SMCO2: variants seen among roughly 807,000 people sequenced by gnomAD.
The protein encoded by SMCO2 is single-pass membrane protein with coiled-coil domains 2, also known as single-pass membrane and coiled-coil domain-containing protein 2.
A neutral mutation model predicts 29.5 loss-of-function variants in SMCO2; 25 were observed. That is an observed-to-expected ratio of 0.85 (90% confidence interval 0.62 to 1.18). SMCO2 has a LOEUF of 1.18. SMCO2 is among the 50% of genes most tolerant of loss of function. The pLI, the probability that SMCO2 is intolerant of heterozygous loss-of-function variation, is 0.00. For synonymous variants in SMCO2, 117 were observed against 123.3 expected, an observed-to-expected ratio of 0.95 and a Z score of 0.34; for missense variants, 348 against 344.5, an observed-to-expected ratio of 1.01 and a Z score of -0.08.
chr12:27,489,393 G>A (rs1025991949), intron 5 of SMCO2, among the ~76,000 whole-genome samples: 2 of 152,118 alleles, frequency 1.3e-5, no homozygotes, highest in Admixed American at 6.6e-5. Flanking sequence ...AGAGCTGAAA[G>A]GTAGAGATCA....
intron 4 of SMCO2, among the ~76,000 whole-genome samples, chr12:27,479,432 C>A (rs1949621102): frequency 6.6e-6 from 1 of 152,208 alleles, no homozygotes; most frequent in African/African-American, 2.4e-5. Context: ...AGCCCTGCTG[C>A]TGGAGGCTCC....
At chr12:27,487,178 C>G (rs1949695645) in intron 4 of SMCO2, among the ~76,000 whole-genome samples, 1 of 152,188 alleles carries the variant, frequency 6.6e-6, no homozygotes, top group African/African-American at 2.4e-5. Flanking sequence ...AGATCCTCAA[C>G]TGAATCATTG....
chr12:27,494,613 C>T (rs542621962), intron 6 of SMCO2, among the ~76,000 whole-genome samples: 2 of 151,678 alleles, frequency 1.3e-5, no homozygotes, highest in African/African-American at 4.8e-5. Context: ...TCCATCAACC[C>T]GTCATCTACA....
At chr12:27,482,997 GATTACTGGT>G (rs1592211791) in intron 4 of SMCO2, among the ~76,000 whole-genome samples, 1 of 152,184 alleles carries the variant, frequency 6.6e-6, no homozygotes, top group East Asian at 1.9e-4. Flanking sequence ...AAAGCGCTGG[GATTACTGGT>G]GTTAACCACC....
At chr12:27,470,600 G>A (rs1415381519) in intron 1 of SMCO2, 22 bp from the exon 2 acceptor site, 1 of 1,545,646 alleles carries the variant, frequency 6.5e-7, no homozygotes. Flanking sequence ...AATCCCTCTT[G>A]TTGTCATTAT....
chr12:27,435,747 A>G, the SMCO2 span, among the ~76,000 whole-genome samples: 5,109 of 151,922 alleles, frequency 0.034, 130 homozygotes, highest in East Asian at 0.12. Flanking sequence ...CTCTCTGGTG[A>G]CCCCATTTCT....
intron 1 of SMCO2, among the ~76,000 whole-genome samples, chr12:27,468,532 T>G (rs956725119): frequency 7.9e-5 from 12 of 152,244 alleles, no homozygotes; most frequent in Non-Finnish European, 1.5e-4. Flanking sequence ...ATGATAGTCG[T>G]TGGGCATGTG....
At chr12:27,443,111 C>A in the SMCO2 span, among the ~76,000 whole-genome samples, 1 of 152,108 alleles carries the variant, frequency 6.6e-6, no homozygotes, top group Non-Finnish European at 1.5e-5. Context: ...TGCAAAAATC[C>A]TCAACAAAAT....
At chr12:27,453,497 A>C in the SMCO2 span, among the ~76,000 whole-genome samples, 1 of 152,246 alleles carries the variant, frequency 6.6e-6, no homozygotes, top group Non-Finnish European at 1.5e-5. Context: ...GAAAGAACAG[A>C]AAGGCTGACC....
At chr12:27,500,616 T>G (rs1404808233) in intron 7 of SMCO2, among the ~76,000 whole-genome samples, 3 of 150,790 alleles carry the variant, frequency 2.0e-5, no homozygotes, top group Non-Finnish European at 4.4e-5. Context: ...GGAACAGTGT[T>G]TATTTACTAG....
chr12:27,500,998 T>C (rs1237793809), intron 7 of SMCO2, among the ~76,000 whole-genome samples: 1 of 150,754 alleles, frequency 6.6e-6, no homozygotes, highest in African/African-American at 2.5e-5. Flanking sequence ...TGTGTTCTTC[T>C]GGATTTTCTG....
At chr12:27,463,357 AG>A (rs908613559), upstream of SMCO2, among the ~76,000 whole-genome samples, 31 of 152,196 alleles carry the variant, frequency 2.0e-4, no homozygotes, top group African/African-American at 7.2e-4. Flanking sequence ...CTCTGCCTCC[AG>A]GGTTCAAGCA....
At chr12:27,446,023 C>T in the SMCO2 span, among the ~76,000 whole-genome samples, 1 of 152,056 alleles carries the variant, frequency 6.6e-6, no homozygotes, top group Admixed American at 6.5e-5. Context: ...CCTGCCTCAG[C>T]CTCCCAAGTA....
chr12:27,470,256 CCTTTTTA>C (rs1178842166), intron 1 of SMCO2, among the ~76,000 whole-genome samples: 1 of 151,750 alleles, frequency 6.6e-6, no homozygotes, highest in Admixed American at 6.6e-5. Context: ...TTTCTTTTGC[CCTTTTTA>C]CTTTTTACAA....
At chr12:27,460,908 A>G in the SMCO2 span, among the ~76,000 whole-genome samples, 2 of 152,246 alleles carry the variant, frequency 1.3e-5, no homozygotes, top group African/African-American at 4.8e-5. Context: ...GCCAGGTTTC[A>G]GAAAGGAAGA....
At chr12:27,429,391 T>C in the SMCO2 span, among the ~76,000 whole-genome samples, 1 of 151,968 alleles carries the variant, frequency 6.6e-6, no homozygotes, top group Admixed American at 6.6e-5. Context: ...AGAATCCTAC[T>C]GTTTAATACA....
upstream of SMCO2, among the ~76,000 whole-genome samples, chr12:27,465,047 A>G (rs1037294433): frequency 1.9e-4 from 29 of 150,154 alleles, 1 homozygote; most frequent in Admixed American, 4.0e-4. Context: ...AAAAAAAAAA[A>G]AAAAGAAAGA....
At chr12:27,443,717 A>C in the SMCO2 span, among the ~76,000 whole-genome samples, 29 of 152,330 alleles carry the variant, frequency 1.9e-4, 1 homozygote, top group African/African-American at 5.5e-4. Flanking sequence ...ATATGCCACC[A>C]GTGAACAATT....
At chr12:27,462,620 G>T (rs1005388090), upstream of SMCO2, among the ~76,000 whole-genome samples, 1 of 152,258 alleles carries the variant, frequency 6.6e-6, no homozygotes, top group South Asian at 2.1e-4. Flanking sequence ...TTTTATTAAT[G>T]ACAGAAGTGA....
Sources: gnomAD v4.1 joint callset for allele counts (sites outside exome capture counted in the v4.1 genomes callset) on GRCh38, gnomAD v4.1.1 for gene constraint, MANE v1.5 for transcripts, NCBI Gene and HGNC (gene_info 2026-07-23, HGNC 2026-07-21) for gene names.